COG7: variants seen among roughly 807,000 people sequenced by gnomAD.
COG7 encodes the protein component of oligomeric golgi complex 7, also known as conserved oligomeric Golgi complex subunit 7.
COG7 carries 49 observed loss-of-function variants against 91.5 expected under a neutral mutation model. That is an observed-to-expected ratio of 0.54 (90% CI 0.43 to 0.68). COG7 has a LOEUF of 0.68. COG7 is among the 30% of genes least tolerant of loss of function. The pLI, the probability that COG7 is intolerant of heterozygous loss-of-function variation, is 0.00. For synonymous variants in COG7, 365 were observed against 388.7 expected, an observed-to-expected ratio of 0.94 and a Z score of 0.72; for missense variants, 895 against 961.3, an observed-to-expected ratio of 0.93 and a Z score of 0.91.
intron 5 of COG7, among the ~76,000 whole-genome samples, chr16:23,434,276 AC>A (rs1428684256): frequency 1.3e-5 from 2 of 152,102 alleles, no homozygotes; most frequent in Non-Finnish European, 2.9e-5. Context: ...AAATAGTGAA[AC>A]CCTATCTCTA....
chr16:23,453,178 G>C lies in COG7; in HGVS notation c.-184C>G, dbSNP rs1964296083. ...GCTCAGCGCACTCAGTTTGCGGCTG[G>C]GAATGACCCTCGCCGCCCGCCGTTC... On this transcript the variant is annotated 5_prime_UTR_variant, in exon 1 of 17. Transcript: ENST00000307149. 7.4e-7 allele frequency: 1 copy of C among 1,359,040 alleles called. No homozygotes were observed. The highest frequency in any genetic ancestry group is 2.7e-4 in the Middle Eastern group (1 of 3,736). 84.2% of individuals were successfully genotyped at this position (1,359,040 alleles called of 1,614,324 possible).
intron 15 of COG7, among the ~76,000 whole-genome samples, chr16:23,392,962 C>T (rs1348467236): frequency 6.6e-6 from 1 of 152,082 alleles, no homozygotes; most frequent in East Asian, 1.9e-4. Context: ...TACAAAGTTA[C>T]ATACAAAATA....
chr16:23,432,430 C>A (rs575616346), intron 6 of COG7, among the ~76,000 whole-genome samples: 23 of 152,024 alleles, frequency 1.5e-4, no homozygotes, highest in Admixed American at 6.6e-4. Context: ...GCAGCTCCCT[C>A]ACTGCAATCT....
At chr16:23,401,102 A>G (rs1053452504) in intron 13 of COG7, among the ~76,000 whole-genome samples, 2 of 152,198 alleles carry the variant, frequency 1.3e-5, no homozygotes, top group African/African-American at 4.8e-5. Flanking sequence ...TCCATCTGTC[A>G]CCAGGTAAAA....
intron 12 of COG7, among the ~76,000 whole-genome samples, chr16:23,404,966 G>A (rs1302169562): frequency 6.6e-6 from 1 of 152,148 alleles, no homozygotes; most frequent in African/African-American, 2.4e-5. Context: ...GAACAGCAAT[G>A]TCTCCTCTGT....
intron 9 of COG7, chr16:23,414,288 G>T (rs1299428540): frequency 6.6e-6 from 1 of 152,270 alleles, no homozygotes; most frequent in Non-Finnish European, 1.5e-5. Flanking sequence ...AGCTCAAGGA[G>T]TTCGAGACCT....
intron 1 of COG7, among the ~76,000 whole-genome samples, chr16:23,448,671 C>T (rs894669852): frequency 6.6e-6 from 1 of 152,164 alleles, no homozygotes; most frequent in African/African-American, 2.4e-5. Flanking sequence ...TATAGCCACA[C>T]TCCTGTGCAT....
At position 23,453,050 on chromosome 16, in the gene COG7, A is replaced by G. The variant is rs1964293316; in HGVS notation, c.-56T>C. On this transcript the variant is annotated 5_prime_UTR_variant, in exon 1 of 17. Transcript: ENST00000307149. ...ACTTAAGAGTTGGCTCCGGGCGGCA[A>G]CGGGGATGCAGAAGCGAGCGAGCCT... 3.0e-5 allele frequency: 48 copies of G among 1,609,898 alleles called. No homozygotes were observed. The highest frequency in any genetic ancestry group is 3.8e-5 in the Non-Finnish European group (45 of 1,177,888).
chr16:23,414,735 G>A (rs1343560662), intron 9 of COG7: 10 of 152,172 alleles, frequency 6.6e-5, no homozygotes, highest in Non-Finnish European at 1.0e-4. Flanking sequence ...CTAGCACAGA[G>A]CTGGACATAA....
At chr16:23,402,202 A>T (rs1273526866) in intron 13 of COG7, among the ~76,000 whole-genome samples, 2 of 152,180 alleles carry the variant, frequency 1.3e-5, no homozygotes, top group Non-Finnish European at 2.9e-5. Flanking sequence ...GTATAATTCC[A>T]TTTCTTCCTA....
intron 2 of COG7, 28 bp from the exon 3 acceptor site, chr16:23,445,192 G>T (rs1471757632): frequency 2.7e-6 from 4 of 1,485,336 alleles, no homozygotes; most frequent in Non-Finnish European, 3.8e-6. Context: ...GGTGAAAAAT[G>T]AAGGGGTAGG....
chr16:23,393,667 A>T (rs991292611), intron 14 of COG7: 2 of 371,160 alleles, frequency 5.4e-6, no homozygotes, highest in Admixed American at 8.2e-5. Context: ...TTGTGTAAAT[A>T]TAAGTATTAT....
At chr16:23,405,977 G>C in intron 12 of COG7, 99 bp downstream of exon 12, 1 of 1,056,768 alleles carries the variant, frequency 9.5e-7, no homozygotes, top group African/African-American at 1.6e-5. Context: ...TCACAGCCCA[G>C]GGCCACACAC....
intron 2 of COG7, 144 bp downstream of exon 2, chr16:23,445,669 G>A: frequency 1.2e-6 from 1 of 823,140 alleles, no homozygotes; most frequent in Admixed American, 2.0e-5. Flanking sequence ...AAAAAAAAAA[G>A]AGCATAGCTG....
chr16:23,417,366 A>C (rs1963674578), intron 8 of COG7: 1 of 552,414 alleles, frequency 1.8e-6, no homozygotes, highest in African/African-American at 1.9e-5. Flanking sequence ...ACTTGATCCT[A>C]ATGTTTTTCA....
intron 1 of COG7, among the ~76,000 whole-genome samples, 156 bp from the exon 2 acceptor site, chr16:23,446,117 G>C (rs993210373): frequency 1.3e-5 from 2 of 152,160 alleles, no homozygotes; most frequent in South Asian, 4.1e-4. Flanking sequence ...AGAAAATATG[G>C]GGCAGGAGAG....
intron 7 of COG7, among the ~76,000 whole-genome samples, chr16:23,423,256 A>C (rs915652183): frequency 4.0e-5 from 6 of 151,770 alleles, no homozygotes; most frequent in Non-Finnish European, 8.8e-5. Context: ...AGTCCCAACT[A>C]TTCAGGAGGC....
At chr16:23,413,767 T>A in intron 9 of COG7, 1 of 517,140 alleles carries the variant, frequency 1.9e-6, no homozygotes, top group South Asian at 2.1e-5. Context: ...CACCACCTGG[T>A]TGAGCAGTTT....
In COG7 at chr16:23,443,264, G is replaced by A. The variant is rs566897221; in HGVS notation, c.436-619C>T. Among the ~76,000 whole-genome samples the A allele has an allele frequency of 2.4e-4, 36 of 152,190 alleles. 1 individual carries two copies. Among genetic ancestry groups the A allele is most frequent in the African/African-American group, 2.9e-4 (12 of 41,518 alleles). ...GAGTTTTAAAAATATTCACATCCAG[G>A]CTGGGCACAATGGCTTATACCTATA... On this transcript the variant is annotated intron_variant, in intron 3 of 16. Coordinates refer to ENST00000307149, the MANE Select transcript of COG7 (RefSeq NM_153603.4).
Sources: gnomAD v4.1 joint callset for allele counts (sites outside exome capture counted in the v4.1 genomes callset) on GRCh38, gnomAD v4.1.1 for gene constraint, MANE v1.5 for transcripts, NCBI Gene and HGNC (gene_info 2026-07-23, HGNC 2026-07-21) for gene names.